The following SRRM4 variants were observed in gnomAD, a reference collection of about 807,000 sequenced individuals.
SRRM4 encodes the protein serine/arginine repetitive matrix protein 4.
In SRRM4, 33 loss-of-function variants were observed where a neutral mutation model predicts 68.9. That is an observed-to-expected ratio of 0.48 (90% CI 0.36 to 0.64). The LOEUF (loss-of-function observed/expected upper bound fraction) is 0.64, where lower values mean the gene tolerates loss of function less well. SRRM4 is among the 30% of genes least tolerant of loss of function. The pLI, the probability that SRRM4 is intolerant of heterozygous loss-of-function variation, is 0.00. For synonymous variants in SRRM4, 318 were observed against 318.8 expected, an observed-to-expected ratio of 1.00 and a Z score of 0.03; for missense variants, 817 against 827.1, an observed-to-expected ratio of 0.99 and a Z score of 0.15.
chr12:119,055,303 T>C (rs1592879274), intron 1 of SRRM4, among the ~76,000 whole-genome samples: 1 of 152,146 alleles, frequency 6.6e-6, no homozygotes, highest in South Asian at 2.1e-4. Flanking sequence ...AGTTGCTACA[T>C]GGGGCCAGTA....
rs957742167 is a variant in SRRM4 at position 119,160,691 on chromosome 12, G to A, written c.*3893G>A. 7 of 152,204 alleles carry A rather than the reference G, an allele frequency of 4.6e-5. No homozygotes were observed. Among genetic ancestry groups the A allele is most frequent in the Admixed American group, 3.9e-4 (6 of 15,280 alleles). 9.4% of individuals were successfully genotyped at this position (152,204 alleles called of 1,614,324 possible). On this transcript the variant is annotated 3_prime_UTR_variant, in exon 13 of 13. Coordinates refer to ENST00000267260, the MANE Select transcript of SRRM4 (RefSeq NM_194286.4). ...ACCTCTGTTAAGTGGAGGGATTTGT[G>A]AGATAAAAATTCAAAATGTTGGCCT...
intron 1 of SRRM4, among the ~76,000 whole-genome samples, chr12:119,000,492 G>A (rs1001904828): frequency 9.9e-5 from 15 of 152,134 alleles, no homozygotes; most frequent in Non-Finnish European, 1.8e-4. Flanking sequence ...TGTGTTTCTC[G>A]TGACTGGCCC....
chr12:119,091,402 G>A (rs1447236112), intron 1 of SRRM4, among the ~76,000 whole-genome samples: 1 of 152,160 alleles, frequency 6.6e-6, no homozygotes. Flanking sequence ...ACCCTCAAGA[G>A]CACTTCAACC....
At chr12:119,096,324 C>T (rs1255683175) in intron 1 of SRRM4, among the ~76,000 whole-genome samples, 5 of 152,086 alleles carry the variant, frequency 3.3e-5, no homozygotes, top group Middle Eastern at 3.4e-3. Context: ...TGAGCCACCA[C>T]GCCCGGCCTC....
chr12:118,984,953 C>G (rs1003062019), intron 1 of SRRM4, among the ~76,000 whole-genome samples: 1 of 152,176 alleles, frequency 6.6e-6, no homozygotes, highest in Admixed American at 6.5e-5. Flanking sequence ...GAAATAATAA[C>G]AGTAACCCCT....
At chr12:119,058,365 A>T (rs1289030310) in intron 1 of SRRM4, among the ~76,000 whole-genome samples, 1 of 152,238 alleles carries the variant, frequency 6.6e-6, no homozygotes, top group African/African-American at 2.4e-5. Context: ...TGTACCCCAG[A>T]CACTGTATTC....
chr12:119,109,273 C>T (rs980886817), intron 2 of SRRM4, among the ~76,000 whole-genome samples: 4 of 152,114 alleles, frequency 2.6e-5, no homozygotes, highest in Non-Finnish European at 5.9e-5. Flanking sequence ...TTCATTTCAA[C>T]TTTGGTGAAT....
chr12:118,994,865 T>C (rs1354272652), intron 1 of SRRM4, among the ~76,000 whole-genome samples: 4 of 152,152 alleles, frequency 2.6e-5, no homozygotes, highest in Non-Finnish European at 5.9e-5. Flanking sequence ...ATGGTGGTGG[T>C]GGAGTGAGAA....
At chr12:119,153,686 G>A (rs1954454146) in intron 11 of SRRM4, 37 bp downstream of exon 11, 2 of 1,457,534 alleles carry the variant, frequency 1.4e-6, no homozygotes, top group Non-Finnish European at 1.9e-6. Context: ...CCCGTCCTAG[G>A]CCCCACCCCT....
At chr12:119,131,677 C>A (rs920400680) in intron 8 of SRRM4, among the ~76,000 whole-genome samples, 4 of 152,196 alleles carry the variant, frequency 2.6e-5, no homozygotes, top group Admixed American at 2.0e-4. Context: ...ATTACTTAAT[C>A]TCCATTTTCT....
intron 1 of SRRM4, among the ~76,000 whole-genome samples, chr12:119,031,841 AT>A (rs1386882871): frequency 2.6e-5 from 4 of 152,056 alleles, no homozygotes; most frequent in Non-Finnish European, 5.9e-5. Flanking sequence ...TTTATTAACC[AT>A]TTGTCTTTAA....
chr12:119,120,923 G>T (rs952936791), intron 5 of SRRM4, among the ~76,000 whole-genome samples: 1 of 152,182 alleles, frequency 6.6e-6, no homozygotes, highest in Non-Finnish European at 1.5e-5. Context: ...AGTGACGATG[G>T]CTTCTTAAAT....
chr12:119,000,119 A>G (rs1295083844), intron 1 of SRRM4, among the ~76,000 whole-genome samples: 3 of 152,208 alleles, frequency 2.0e-5, no homozygotes, highest in Non-Finnish European at 2.9e-5. Context: ...GTACTACACT[A>G]TATTTCACTT....
chr12:119,120,529 C>G (rs1954212735), intron 5 of SRRM4, among the ~76,000 whole-genome samples: 1 of 73,418 alleles, frequency 1.4e-5, no homozygotes, highest in Non-Finnish European at 2.6e-5. Flanking sequence ...CAGAATGTCT[C>G]ATTACTACCC....
In SRRM4 at chr12:119,051,095, G is replaced by A. The variant is rs573685034; in HGVS notation, c.132-51141G>A. Among the ~76,000 whole-genome samples the A allele has an allele frequency of 3.3e-5, 5 of 152,250 alleles. No homozygotes were observed. In the South Asian group the frequency reaches 1.0e-3, roughly 32 times the overall value. ...GGTGTTTTTGGTTGTCACAACTGAG[G>A]GATTGCTACTGGTGTCTGTTGGATG... On this transcript the variant is annotated intron_variant, in intron 1 of 12. Coordinates refer to ENST00000267260, the MANE Select transcript of SRRM4 (RefSeq NM_194286.4).
At chr12:119,081,157 G>A (rs1449414151) in intron 1 of SRRM4, among the ~76,000 whole-genome samples, 1 of 152,148 alleles carries the variant, frequency 6.6e-6, no homozygotes, top group Non-Finnish European at 1.5e-5. Flanking sequence ...AGATTCTAGT[G>A]GGAGTAAGGG....
intron 3 of SRRM4, 52 bp from the exon 4 acceptor site, chr12:119,116,885 A>G (rs1308442005): frequency 2.6e-6 from 4 of 1,565,376 alleles, no homozygotes; most frequent in Admixed American, 1.7e-5. Context: ...TTTGAAACCA[A>G]CCTTGGCCTT....
At chr12:119,028,266 A>AGGCAGCTGATATGGTTT (rs1953561997) in intron 1 of SRRM4, among the ~76,000 whole-genome samples, 1 of 152,198 alleles carries the variant, frequency 6.6e-6, no homozygotes, top group Admixed American at 6.5e-5. Flanking sequence ...GGCTTAGTAT[A>AGGCAGCTGATATGGTTT]GGCAGCTGAT....
intron 1 of SRRM4, among the ~76,000 whole-genome samples, chr12:119,083,026 T>C (rs1165190426): frequency 6.6e-6 from 1 of 152,104 alleles, no homozygotes; most frequent in Non-Finnish European, 1.5e-5. Flanking sequence ...GGGAGTGAAG[T>C]CTGGTGTTTC....
Sources: allele counts gnomAD v4.1 joint callset (sites outside exome capture counted in the v4.1 genomes callset), GRCh38; gene constraint gnomAD v4.1.1; transcripts MANE v1.5; gene names NCBI Gene and HGNC (gene_info 2026-07-23, HGNC 2026-07-21).